The following SCAMP2 variants were observed in gnomAD, a reference collection of about 807,000 sequenced individuals.
SCAMP2 encodes the protein secretory carrier membrane protein 2, also known as secretory carrier-associated membrane protein 2.
In SCAMP2, 25 loss-of-function variants were observed where a neutral mutation model predicts 44.1. That is an observed-to-expected ratio of 0.57 (90% CI 0.41 to 0.79). The LOEUF (loss-of-function observed/expected upper bound fraction) is 0.79, where lower values mean the gene tolerates loss of function less well. SCAMP2 is among the 30% of genes least tolerant of loss of function. The pLI, the probability that SCAMP2 is intolerant of heterozygous loss-of-function variation, is 0.00. For synonymous variants in SCAMP2, 156 were observed against 166.0 expected (o/e 0.94, Z 0.46); for missense variants, 355 against 411.0 (o/e 0.86, Z 1.18).
intron 4 of SCAMP2, 154 bp downstream of exon 4, chr15:74,851,915 T>TAA: frequency 1.9e-6 from 1 of 532,446 alleles, no homozygotes; most frequent in Non-Finnish European, 3.3e-6. Flanking sequence ...ACTTGCAACT[T>TAA]ACTGCTCTTC....
chr15:74,871,692 C>T (rs1316130165), intron 1 of SCAMP2, among the ~76,000 whole-genome samples: 1 of 151,850 alleles, frequency 6.6e-6, no homozygotes, highest in Non-Finnish European at 1.5e-5. Context: ...GCTGAGGTTG[C>T]AGTGAGCCGA....
In SCAMP2 at chr15:74,847,823, G is replaced by A. The variant is rs146182739; in HGVS notation, c.734+777C>T. Among the ~76,000 whole-genome samples, 58 of 152,352 alleles carry A rather than the reference G, an allele frequency of 3.8e-4. 1 individual carries two copies. The South Asian group carries it at 0.011, about 28-fold the overall frequency. On this transcript the variant is annotated intron_variant, in intron 7 of 8. Transcript: ENST00000268099. ...AACTCAAACCAGCCGTATGCTCAAA[G>A]AGGGCAGCCAGAAGAAGCCTGTCCA...
intron 7 of SCAMP2, among the ~76,000 whole-genome samples, chr15:74,848,217 G>A (rs1166979196): frequency 6.6e-6 from 1 of 151,998 alleles, no homozygotes; most frequent in Non-Finnish European, 1.5e-5. Context: ...ATAGGTGCAT[G>A]CCACTGCAAC....
rs2064354428 is a variant in SCAMP2, at chr15:74,843,747, T to C, written c.*1336A>G. 6.6e-6 allele frequency: 1 copy of C among 152,246 alleles called. No individual in the cohort carries two copies. Among genetic ancestry groups the C allele is most frequent in the Admixed American group, 6.5e-5 (1 of 15,290 alleles). 9.4% of individuals were successfully genotyped at this position (152,246 alleles called of 1,614,324 possible). A position where few individuals can be genotyped will look rare whatever the true frequency, so the allele number is the denominator to read the frequency against. On this transcript the variant is annotated 3_prime_UTR_variant, in exon 9 of 9. Coordinates refer to ENST00000268099, the MANE Select transcript of SCAMP2 (RefSeq NM_005697.5). Reference sequence around the variant, plus strand: ...GACCCGTGTTGTCTGAAAATGTTTTTATTTTTACTTAAGCACAAAAATTGA... The same window carrying C: ...GACCCGTGTTGTCTGAAAATGTTTTCATTTTTACTTAAGCACAAAAATTGA...
At chr15:74,856,205 G>A (rs1472437158) in intron 1 of SCAMP2, among the ~76,000 whole-genome samples, 2 of 146,444 alleles carry the variant, frequency 1.4e-5, no homozygotes, top group Non-Finnish European at 3.0e-5. Flanking sequence ...TATTAAACCA[G>A]ATGCTCCCAA....
At chr15:74,848,410 A>G (rs1209904769) in intron 7 of SCAMP2, 190 bp downstream of exon 7, 9 of 500,594 alleles carry the variant, frequency 1.8e-5, no homozygotes, top group Non-Finnish European at 3.2e-5. Context: ...AAGGAGAAAA[A>G]AAAAGTGAGT....
At chr15:74,861,834 G>A (rs1327199579) in intron 1 of SCAMP2, among the ~76,000 whole-genome samples, 5 of 148,220 alleles carry the variant, frequency 3.4e-5, no homozygotes, top group African/African-American at 1.3e-4. Flanking sequence ...CCAGGAGGTG[G>A]AGCTTGCAGC....
Position 74,850,601 on chromosome 15 carries a change from A to G in SCAMP2, c.545T>C (p.Val182Ala), listed in dbSNP as rs1021179946. Residue 182 changes from valine to alanine, a missense_variant, in exon 6 of 9, where the codon GTG becomes GCG. Transcript: ENST00000268099. ...CCACAGGATGGAGAGGCCAAAGTCC[A>G]CTCCCTTGGAGCTGTTGCCCGAGAA... is the stretch of plus-strand genomic sequence containing the variant. ...AWFSGNSSKG[V>A]DFGLSILWFL... The G allele has an allele frequency of 6.2e-7, 1 of 1,613,848 alleles. No individual in the cohort carries two copies.
intron 1 of SCAMP2, among the ~76,000 whole-genome samples, chr15:74,869,937 C>T (rs1345366395): frequency 1.3e-5 from 2 of 152,184 alleles, no homozygotes; most frequent in Admixed American, 6.5e-5. Flanking sequence ...CGTCCTAGCC[C>T]TGGCAGTCAA....
intron 1 of SCAMP2, 73 bp from the exon 2 acceptor site, chr15:74,854,722 A>T (rs1326738435): frequency 1.5e-6 from 2 of 1,356,174 alleles, no homozygotes; most frequent in Non-Finnish European, 2.1e-6. Context: ...CGAGCCGGTG[A>T]CGCCTGACTG....
chr15:74,849,166 T>C (rs1404378618), intron 6 of SCAMP2, among the ~76,000 whole-genome samples: 1 of 152,186 alleles, frequency 6.6e-6, no homozygotes, highest in Non-Finnish European at 1.5e-5. Context: ...AGTAAATCTC[T>C]ATATAATAAG....
intron 1 of SCAMP2, among the ~76,000 whole-genome samples, chr15:74,860,741 T>A (rs1198549070): frequency 2.1e-5 from 3 of 142,850 alleles, no homozygotes; most frequent in Non-Finnish European, 4.5e-5. Flanking sequence ...TAGTCCCAGC[T>A]ACTTGGGAAG....
At position 74,843,789 on chromosome 15, in the gene SCAMP2, T is replaced by C. The variant is rs1008685696; in HGVS notation, c.*1294A>G. ...AAAAATTGAGACGTAACATATACATTTGTACATAGAGGGGAAAAAATACCA... is the reference window on the plus strand; with the variant it reads ...AAAAATTGAGACGTAACATATACATCTGTACATAGAGGGGAAAAAATACCA... On this transcript the variant is annotated 3_prime_UTR_variant, in exon 9 of 9. Transcript: ENST00000268099. 5 of 152,124 alleles carry C rather than the reference T, an allele frequency of 3.3e-5. No individual in the cohort carries two copies. Among genetic ancestry groups the C allele is most frequent in the African/African-American group, 1.2e-4 (5 of 41,424 alleles). The allele number at this position is 152,124 out of a possible 1,614,324, so 9.4% of individuals were successfully genotyped here.
At chr15:74,867,087 G>A (rs997827136) in intron 1 of SCAMP2, among the ~76,000 whole-genome samples, 1 of 152,148 alleles carries the variant, frequency 6.6e-6, no homozygotes, top group Non-Finnish European at 1.5e-5. Flanking sequence ...GAGCCACTGC[G>A]CCCCAGCCTC....
chr15:74,859,919 T>A (rs1361299383), intron 1 of SCAMP2, among the ~76,000 whole-genome samples: 1 of 152,120 alleles, frequency 6.6e-6, no homozygotes, highest in African/African-American at 2.4e-5. Context: ...GAGGTTTATT[T>A]CAGGCTCCAA....
At chr15:74,860,533 A>G (rs567943623) in intron 1 of SCAMP2, among the ~76,000 whole-genome samples, 1 of 151,948 alleles carries the variant, frequency 6.6e-6, no homozygotes, top group African/African-American at 2.4e-5. Flanking sequence ...TACTAAAAAT[A>G]CAAAATTAGC....
chr15:74,851,542 C>T, intron 4 of SCAMP2, 61 bp from the exon 5 acceptor site: 1 of 1,600,124 alleles, frequency 6.2e-7, no homozygotes, highest in Non-Finnish European at 8.5e-7. Context: ...CATCAAGGTG[C>T]ATGCACGCCA....
At position 74,852,179 on chromosome 15, in the gene SCAMP2, A is replaced by G; in HGVS notation, c.233T>C (p.Val78Ala). The stretch of plus-strand genomic sequence containing the variant: ...GAGCAGGCCTGCCTGGGCTGCAGAC[A>G]CCACGGCCTGGAGAGAACAGGGGAG... ...EPTQPTPQAV[V>A]SAAQAGLLRQ... The change falls in exon 4 of 9, where the codon GTG (valine) becomes GCG (alanine). Residue 78 changes from valine (V) to alanine (A), a missense_variant. Physicochemically the swap from Val to Ala is moderately conservative, Grantham distance 64. Coordinates refer to ENST00000268099, the MANE Select transcript of SCAMP2 (RefSeq NM_005697.5). 6.5e-7 allele frequency: 1 copy of G among 1,536,252 alleles called. No individual in the cohort carries two copies. Among genetic ancestry groups the G allele is most frequent in the South Asian group, 1.2e-5 (1 of 80,918 alleles).
intron 1 of SCAMP2, among the ~76,000 whole-genome samples, chr15:74,857,035 G>A (rs1049991604): frequency 6.6e-6 from 1 of 152,168 alleles, no homozygotes; most frequent in Non-Finnish European, 1.5e-5. Context: ...AATATTTATA[G>A]AGCTGAGGGT....
Sources: allele counts gnomAD v4.1 joint callset (sites outside exome capture counted in the v4.1 genomes callset), GRCh38; gene constraint gnomAD v4.1.1; transcripts MANE v1.5; gene names NCBI Gene and HGNC (gene_info 2026-07-23, HGNC 2026-07-21).